The following ACAD11 variants were observed in gnomAD, a reference collection of about 807,000 sequenced individuals.
The protein encoded by ACAD11 is acyl-CoA dehydrogenase family member 11.
Under a neutral mutation model 102.2 loss-of-function variants are expected in ACAD11, and 83 were observed. That is an observed-to-expected ratio of 0.81 (90% confidence interval 0.68 to 0.97). The LOEUF is 0.97. Among genes scored for constraint, ACAD11 ranks in the 50% least tolerant of loss-of-function variants. The probability of loss-of-function intolerance (pLI) is 0.00; values close to 1 mark genes in which losing one functional copy is unlikely to be tolerated. For missense variants in ACAD11, 901 were observed against 951.7 expected (o/e 0.95, Z 0.70); for synonymous variants, 324 against 319.8 (o/e 1.01, Z -0.14).
At chr3:132,632,012 T>C (rs1940060554) in intron 5 of ACAD11, among the ~76,000 whole-genome samples, 1 of 152,118 alleles carries the variant, frequency 6.6e-6, no homozygotes, top group Non-Finnish European at 1.5e-5. Flanking sequence ...TCATGTAATG[T>C]GGAACCAATA....
intron 13 of ACAD11, among the ~76,000 whole-genome samples, chr3:132,589,462 C>T (rs1003394297): frequency 6.6e-6 from 1 of 152,184 alleles, no homozygotes; most frequent in African/African-American, 2.4e-5. Flanking sequence ...GAGGAAGAAT[C>T]ATTTACAGAG....
chr3:132,575,991 A>G, intron 16 of ACAD11, 65 bp from the exon 17 acceptor site: 1 of 1,566,418 alleles, frequency 6.4e-7, no homozygotes, highest in Non-Finnish European at 8.7e-7. Context: ...TTTGTTATTT[A>G]TACAAATCCT....
chr3:132,626,822 G>A lies in ACAD11; in HGVS notation c.1071-5C>T. On this transcript the variant is annotated splice_polypyrimidine_tract_variant and splice_region_variant and intron_variant, in intron 8 of 19. Coordinates refer to ENST00000264990, the MANE Select transcript of ACAD11 (RefSeq NM_032169.5). ...GGTAGTACAGTACTGAAAGTTCTTT[G>A]CCAAAAGAAAAAAGGAAAAAAAGGT... The A allele has an allele frequency of 1.3e-6, 2 of 1,595,512 alleles. No individual in the cohort carries two copies. The highest frequency in any genetic ancestry group is 1.4e-5 in the African/African-American group (1 of 73,816).
intron 13 of ACAD11, among the ~76,000 whole-genome samples, chr3:132,590,151 T>A (rs138956543): frequency 6.6e-6 from 1 of 152,272 alleles, no homozygotes; most frequent in Non-Finnish European, 1.5e-5. Flanking sequence ...AGTGCTGCAA[T>A]GAACATTCAC....
intron 1 of ACAD11, among the ~76,000 whole-genome samples, chr3:132,656,645 C>T (rs1008430507): frequency 2.0e-5 from 3 of 152,046 alleles, no homozygotes; most frequent in Non-Finnish European, 2.9e-5. Flanking sequence ...CAGGTACCCA[C>T]CACCACACCC....
In ACAD11 at chr3:132,638,507, A is replaced by G. The variant is rs181770785; in HGVS notation, c.702+985T>C. Among the ~76,000 whole-genome samples, 914 of 152,324 alleles carry G rather than the reference A, an allele frequency of 6.0e-3. 2 individuals carry two copies. The highest frequency in any genetic ancestry group is 0.013 in the Admixed American group (199 of 15,296). ...AATAGTTGCTAGTGAATAATTAACT[A>G]AAATTAATCCCTTCAACATAGATTC... is the stretch of plus-strand genomic sequence containing the variant. On this transcript the variant is annotated intron_variant, in intron 5 of 19. Transcript: ENST00000264990.
intron 9 of ACAD11, among the ~76,000 whole-genome samples, chr3:132,626,287 GGT>G (rs1939804618): frequency 7.9e-5 from 12 of 152,012 alleles, no homozygotes; most frequent in Admixed American, 7.2e-4. Context: ...GAAGAGGGGT[GGT>G]AGTATCTGTG....
intron 9 of ACAD11, among the ~76,000 whole-genome samples, chr3:132,620,966 GAAGA>G (rs1455471295): frequency 6.6e-6 from 1 of 152,094 alleles, no homozygotes; most frequent in Non-Finnish European, 1.5e-5. Flanking sequence ...TCATAAATTG[GAAGA>G]AAGACCTGAA....
At chr3:132,567,064 C>T (rs1480481057) in intron 17 of ACAD11, among the ~76,000 whole-genome samples, 1 of 152,126 alleles carries the variant, frequency 6.6e-6, no homozygotes, top group African/African-American at 2.4e-5. Flanking sequence ...CTGCAACCTC[C>T]GCCTCCTGGG....
rs544099765 is a variant in ACAD11 at position 132,624,903 on chromosome 3, T to C, written c.1197+1788A>G. Among the ~76,000 whole-genome samples, 3 of 152,152 alleles carry C rather than the reference T, an allele frequency of 2.0e-5. No individual in the cohort carries two copies. In the East Asian group the frequency reaches 5.9e-4, roughly 30 times the overall value. ...TTATGCCATGTTGCCCAGGCTGGTC[T>C]CAAACTCCTGGGCTCAAGCCATCCA... On this transcript the variant is annotated intron_variant, in intron 9 of 19. Transcript: ENST00000264990.
In ACAD11 at chr3:132,586,258, G is replaced by A. The variant is rs143939588; in HGVS notation, c.1622-6700C>T. 2.0e-3 allele frequency among the ~76,000 whole-genome samples: 310 copies of A among 152,134 alleles called. 12 individuals carry two copies. The East Asian group carries it at 0.052, about 25-fold the overall frequency. ...TCGCAAGGACAAAAAAGCAAACACC[G>A]CATGTTCTCACTCATAGGTGGGAAT... On this transcript the variant is annotated intron_variant, in intron 13 of 19. Coordinates refer to ENST00000264990, the MANE Select transcript of ACAD11 (RefSeq NM_032169.5).
intron 1 of ACAD11, among the ~76,000 whole-genome samples, chr3:132,648,277 G>A (rs1423342368): frequency 6.6e-6 from 1 of 152,140 alleles, no homozygotes; most frequent in African/African-American, 2.4e-5. Context: ...CAGTTCAGAT[G>A]CAGTTTACTA....
intron 13 of ACAD11, among the ~76,000 whole-genome samples, chr3:132,590,732 T>C (rs1938040248): frequency 6.6e-6 from 1 of 152,212 alleles, no homozygotes; most frequent in African/African-American, 2.4e-5. Flanking sequence ...CTCATTGTGA[T>C]TTTGATTTGC....
chr3:132,633,024 G>A (rs1034062709), intron 5 of ACAD11, among the ~76,000 whole-genome samples: 2 of 152,154 alleles, frequency 1.3e-5, no homozygotes, highest in Non-Finnish European at 2.9e-5. Flanking sequence ...CTGCAAACAG[G>A]GACAATTTGA....
Position 132,618,567 on chromosome 3 carries a change from A to T in ACAD11, c.1414+67T>A, listed in dbSNP as rs1939497012. The stretch of plus-strand genomic sequence containing the variant: ...CTTTGTATAAAAACACATTCTTATC[A>T]TATATAGAAATTTTAAACACTGATC... On this transcript the variant is annotated intron_variant, in intron 11 of 19. Coordinates refer to ENST00000264990, the MANE Select transcript of ACAD11 (RefSeq NM_032169.5). 6.8e-6 allele frequency: 9 copies of T among 1,333,218 alleles called. No individual in the cohort carries two copies. In the East Asian group the frequency reaches 2.6e-4, roughly 38 times the overall value. The allele number at this position is 1,333,218 out of a possible 1,614,324, so 82.6% of individuals were successfully genotyped here.
chr3:132,629,210 G>A (rs974427992), intron 7 of ACAD11, among the ~76,000 whole-genome samples: 14 of 152,146 alleles, frequency 9.2e-5, no homozygotes, highest in Non-Finnish European at 2.1e-4. Context: ...CCAGGCTGGA[G>A]TGCAGTGGCA....
At chr3:132,580,916 A>C (rs1380689493) in intron 13 of ACAD11, among the ~76,000 whole-genome samples, 9 of 152,022 alleles carry the variant, frequency 5.9e-5, no homozygotes, top group Non-Finnish European at 1.3e-4. Context: ...TAGAGCCAAA[A>C]CATGAAGTCT....
At chr3:132,583,486 T>C (rs546935612) in intron 13 of ACAD11, among the ~76,000 whole-genome samples, 22 of 152,198 alleles carry the variant, frequency 1.4e-4, no homozygotes, top group Non-Finnish European at 2.8e-4. Context: ...TTTGTTGATC[T>C]TTTCAAAAAA....
At chr3:132,627,238 A>G (rs770249896) in intron 8 of ACAD11, among the ~76,000 whole-genome samples, 1 of 152,124 alleles carries the variant, frequency 6.6e-6, no homozygotes, top group Non-Finnish European at 1.5e-5. Context: ...CTGGTATTCA[A>G]TGTGTGAGGT....
Sources: gnomAD v4.1 joint callset for allele counts (sites outside exome capture counted in the v4.1 genomes callset) on GRCh38, gnomAD v4.1.1 for gene constraint, MANE v1.5 for transcripts, NCBI Gene and HGNC (gene_info 2026-07-23, HGNC 2026-07-21) for gene names.